The following COLEC11 variants were observed in gnomAD, a reference collection of about 807,000 sequenced individuals.
COLEC11 encodes collectin-11.
In COLEC11, 20 loss-of-function variants were observed where a neutral mutation model predicts 27.3. That is an observed-to-expected ratio of 0.73 (90% confidence interval 0.51 to 1.06). The LOEUF (loss-of-function observed/expected upper bound fraction) is 1.06, where lower values mean the gene tolerates loss of function less well. COLEC11 is among the 50% of genes least tolerant of loss of function. The pLI, the probability that COLEC11 is intolerant of heterozygous loss-of-function variation, is 0.00. For missense variants in COLEC11, 310 were observed against 383.0 expected, an observed-to-expected ratio of 0.81 and a Z score of 1.59; for synonymous variants, 163 against 154.7, an observed-to-expected ratio of 1.05 and a Z score of -0.40.
intron 2 of COLEC11, among the ~76,000 whole-genome samples, chr2:3,612,727 G>A (rs1663315452): frequency 6.6e-6 from 1 of 152,146 alleles, no homozygotes; most frequent in African/African-American, 2.4e-5. Flanking sequence ...GTCTCCACCA[G>A]TGATTCACCC....
At chr2:3,597,565 C>A (rs34609499) in intron 1 of COLEC11, among the ~76,000 whole-genome samples, 9,907 of 152,210 alleles carry the variant, frequency 0.065, 429 homozygotes, top group Non-Finnish European at 0.094. Flanking sequence ...CCTGGGACAT[C>A]TGCGGAGTGA....
Position 3,607,663 on chromosome 2 carries a change from G to T in COLEC11, c.130+3193G>T, listed in dbSNP as rs549710762. Among the ~76,000 whole-genome samples, 4 of 152,128 alleles carry T rather than the reference G, an allele frequency of 2.6e-5. No homozygotes were observed. In the East Asian group the frequency reaches 7.7e-4, roughly 29 times the overall value. On this transcript the variant is annotated intron_variant, in intron 2 of 6. Transcript: ENST00000349077. The stretch of plus-strand genomic sequence containing the variant: ...GGGGTTTCACCATGTTATCCAGGCT[G>T]GTCTCGAACTCCTGACCTCACGTAA...
intron 4 of COLEC11, 22 bp downstream of exon 4, chr2:3,637,626 C>T (rs1665526207): frequency 2.5e-6 from 4 of 1,594,878 alleles, no homozygotes; most frequent in Non-Finnish European, 3.4e-6. Context: ...GCGATTCTTG[C>T]CTCATTTCCC....
At chr2:3,613,980 C>CTTTTTTTTTTTTTT (rs57071680) in intron 3 of COLEC11, among the ~76,000 whole-genome samples, 2 of 131,138 alleles carry the variant, frequency 1.5e-5, no homozygotes, top group African/African-American at 5.8e-5. Context: ...TTCTTTCTTT[C>CTTTTTTTTTTTTTT]TTTTTTTTTT....
intron 1 of COLEC11, among the ~76,000 whole-genome samples, chr2:3,597,409 C>T (rs553065385): frequency 4.0e-5 from 6 of 149,512 alleles, no homozygotes; most frequent in Non-Finnish European, 7.4e-5. Flanking sequence ...AGTGAAGGCA[C>T]GAGAAATCCC....
chr2:3,628,849 C>T (rs116698507), intron 3 of COLEC11, among the ~76,000 whole-genome samples: 31 of 152,338 alleles, frequency 2.0e-4, no homozygotes, highest in Non-Finnish European at 4.4e-4. Flanking sequence ...GTCCAGAGGA[C>T]AGATGGGAGG....
intron 3 of COLEC11, among the ~76,000 whole-genome samples, chr2:3,622,716 T>G (rs1664269213): frequency 6.6e-6 from 1 of 152,242 alleles, no homozygotes; most frequent in African/African-American, 2.4e-5. Flanking sequence ...TGATGCCCTG[T>G]GCTACCTCAA....
At chr2:3,630,910 A>G (rs1664947792) in intron 3 of COLEC11, among the ~76,000 whole-genome samples, 1 of 152,196 alleles carries the variant, frequency 6.6e-6, no homozygotes. Flanking sequence ...CTGTTTTGTC[A>G]TTAAGATTGT....
At chr2:3,624,507 CT>C (rs1306494290) in intron 3 of COLEC11, among the ~76,000 whole-genome samples, 1 of 152,168 alleles carries the variant, frequency 6.6e-6, no homozygotes, top group African/African-American at 2.4e-5. Context: ...GGGCAGCATC[CT>C]GCATGGCTGG....
intron 3 of COLEC11, among the ~76,000 whole-genome samples, chr2:3,627,326 G>T (rs1289462171): frequency 7.3e-6 from 1 of 137,728 alleles, no homozygotes; most frequent in African/African-American, 2.6e-5. Context: ...ATGACGGGGG[G>T]CATGACGATG....
chr2:3,613,430 C>T (rs1369606731), intron 3 of COLEC11, 48 bp downstream of exon 3: 8 of 1,545,850 alleles, frequency 5.2e-6, no homozygotes, highest in Admixed American at 3.9e-5. Flanking sequence ...GATGGAGGCA[C>T]CGCTCCTGCT....
intron 3 of COLEC11, among the ~76,000 whole-genome samples, chr2:3,622,643 T>C (rs1664264100): frequency 6.6e-6 from 1 of 152,184 alleles, no homozygotes; most frequent in Admixed American, 6.5e-5. Context: ...AGTGGGTTAG[T>C]TATCATGAGA....
rs193002137 is a variant in COLEC11, at chr2:3,641,737, T to A, written c.328+1406T>A. Reference sequence around the variant, plus strand: ...GAGTGGAGGGGGGGTGTCTCACGTATGAGGGCGAGGAAGGTGGTTTGGGCT... The same window carrying A: ...GAGTGGAGGGGGGGTGTCTCACGTAAGAGGGCGAGGAAGGTGGTTTGGGCT... On this transcript the variant is annotated intron_variant, in intron 5 of 6. Coordinates refer to ENST00000349077, the MANE Select transcript of COLEC11 (RefSeq NM_024027.5). Among the ~76,000 whole-genome samples the A allele has an allele frequency of 3.9e-3, 592 of 152,220 alleles. 2 individuals carry two copies. Among genetic ancestry groups the A allele is most frequent in the Non-Finnish European group, 6.6e-3 (450 of 68,010 alleles).
intron 3 of COLEC11, chr2:3,626,063 C>A: frequency 1.2e-6 from 2 of 1,614,062 alleles, no homozygotes; most frequent in Non-Finnish European, 1.7e-6. Context: ...AGGAAGTGCA[C>A]CTCGTCCTTT....
intron 2 of COLEC11, among the ~76,000 whole-genome samples, chr2:3,610,376 C>T (rs1356986129): frequency 6.6e-6 from 1 of 152,196 alleles, no homozygotes; most frequent in East Asian, 1.9e-4. Flanking sequence ...GATGGAGCAC[C>T]CGCCTTCTTC....
At chr2:3,627,087 C>G (rs1286786688) in intron 3 of COLEC11, among the ~76,000 whole-genome samples, 1 of 152,162 alleles carries the variant, frequency 6.6e-6, no homozygotes, top group Non-Finnish European at 1.5e-5. Context: ...TCCCTGATGA[C>G]CGGTCACGAA....
intron 1 of COLEC11, among the ~76,000 whole-genome samples, chr2:3,601,165 G>T (rs746363737): frequency 6.6e-6 from 1 of 152,214 alleles, no homozygotes; most frequent in Admixed American, 6.5e-5. Context: ...AGGGGGCCTC[G>T]GCGTGGTGGC....
At chr2:3,639,043 A>G (rs571356189) in intron 4 of COLEC11, among the ~76,000 whole-genome samples, 1 of 152,118 alleles carries the variant, frequency 6.6e-6, no homozygotes, top group African/African-American at 2.4e-5. Flanking sequence ...GATATTTCAC[A>G]TATGTGGAAT....
At chr2:3,629,638 C>T (rs1051794605) in intron 3 of COLEC11, among the ~76,000 whole-genome samples, 7 of 151,918 alleles carry the variant, frequency 4.6e-5, no homozygotes, top group Admixed American at 2.0e-4. Context: ...GTGCATATAG[C>T]GTGTGTGTGA....
Sources: gnomAD v4.1 joint callset for allele counts (sites outside exome capture counted in the v4.1 genomes callset) on GRCh38, gnomAD v4.1.1 for gene constraint, MANE v1.5 for transcripts, NCBI Gene and HGNC (gene_info 2026-07-23, HGNC 2026-07-21) for gene names.